Variants in CPXM2 observed in about 807,000 individuals in gnomAD.
CPXM2 encodes inactive carboxypeptidase-like protein X2.
Under a neutral mutation model 86.1 loss-of-function variants are expected in CPXM2, and 66 were observed. The observed-to-expected ratio is 0.77, with a 90% confidence interval of 0.63 to 0.94. CPXM2 has a LOEUF of 0.94. CPXM2 is among the 40% of genes least tolerant of loss of function. The pLI is 0.00. For missense variants in CPXM2, 948 were observed against 1,026.3 expected, an observed-to-expected ratio of 0.92 and a Z score of 1.04; for synonymous variants, 388 against 400.2, an observed-to-expected ratio of 0.97 and a Z score of 0.36.
intron 2 of CPXM2, among the ~76,000 whole-genome samples, chr10:123,907,319 T>C (rs1378152734): frequency 1.3e-5 from 2 of 152,390 alleles, no homozygotes; most frequent in East Asian, 3.8e-4. Context: ...CTTTCTGTAA[T>C]TAGAAGAGAG....
intron 2 of CPXM2, among the ~76,000 whole-genome samples, chr10:123,872,967 T>C (rs896959269): frequency 6.7e-6 from 1 of 149,182 alleles, no homozygotes; most frequent in Non-Finnish European, 1.5e-5. Flanking sequence ...AGCAGAAAAA[T>C]ATTTTAAATA....
intron 11 of CPXM2, among the ~76,000 whole-genome samples, chr10:123,759,169 T>C (rs1278640581): frequency 6.6e-6 from 1 of 152,134 alleles, no homozygotes; most frequent in Non-Finnish European, 1.5e-5. Flanking sequence ...CCCGGTCTCA[T>C]TGAAGGAGAT....
chr10:123,889,767 T>G (rs780322909), intron 1 of CPXM2, among the ~76,000 whole-genome samples: 78 of 152,160 alleles, frequency 5.1e-4, no homozygotes, highest in Non-Finnish European at 1.0e-3. Flanking sequence ...GCCCTAAACA[T>G]GGGTGTTAGG....
intron 1 of CPXM2, among the ~76,000 whole-genome samples, chr10:123,889,898 C>T (rs992594598): frequency 1.3e-5 from 2 of 151,942 alleles, no homozygotes; most frequent in East Asian, 1.9e-4. Context: ...ATGCCCAGGA[C>T]GGAGCTAAGC....
intron 4 of CPXM2, among the ~76,000 whole-genome samples, chr10:123,823,523 G>C (rs575849855): frequency 6.6e-6 from 1 of 152,090 alleles, no homozygotes; most frequent in Non-Finnish European, 1.5e-5. Flanking sequence ...TTTAACTAGA[G>C]TACACTATTT....
In CPXM2 at chr10:123,745,929, ACTTCTGG is replaced by A. The variant is rs895284459; in HGVS notation, c.*828_*834del. ...CAGAGAGAGGGCTTCAGGCCACCCC[ACTTCTGG>A]CTCTTTCCAGTCCTAGCAGGTAAAA... On this transcript the variant is annotated 3_prime_UTR_variant, in exon 14 of 14. Coordinates refer to ENST00000241305, the MANE Select transcript of CPXM2 (RefSeq NM_198148.3). 9 of 151,888 alleles carry A rather than the reference ACTTCTGG, an allele frequency of 5.9e-5. No homozygotes were observed. Among genetic ancestry groups the A allele is most frequent in the Non-Finnish European group, 1.2e-4 (8 of 68,022 alleles). The allele number at this position is 151,888 out of a possible 1,614,324, so 9.4% of individuals were successfully genotyped here. A position where few individuals can be genotyped will look rare whatever the true frequency, so the allele number is the denominator to read the frequency against.
At chr10:123,782,800 T>C (rs1176734970) in intron 6 of CPXM2, among the ~76,000 whole-genome samples, 1 of 152,188 alleles carries the variant, frequency 6.6e-6, no homozygotes, top group East Asian at 1.9e-4. Flanking sequence ...GGCTGAGACC[T>C]GCTGGGCTGC....
chr10:123,819,479 T>G (rs1847882087), intron 4 of CPXM2, among the ~76,000 whole-genome samples: 3 of 152,248 alleles, frequency 2.0e-5, no homozygotes, highest in Admixed American at 2.0e-4. Flanking sequence ...GAAACAAGAT[T>G]GTAATTATCA....
intron 2 of CPXM2, among the ~76,000 whole-genome samples, chr10:123,898,534 A>T (rs1019435016): frequency 6.6e-6 from 1 of 152,160 alleles, no homozygotes; most frequent in African/African-American, 2.4e-5. Context: ...GCTACTTGGG[A>T]GGCTGAGACA....
In CPXM2 at chr10:123,865,231, G is replaced by A. The variant is rs1453958917; in HGVS notation, c.404-2508C>T. 6.6e-6 allele frequency among the ~76,000 whole-genome samples: 1 copy of A among 152,174 alleles called. No individual in the cohort carries two copies. The highest frequency in any genetic ancestry group is 1.5e-5 in the Non-Finnish European group (1 of 68,034). ...CTGGGATTTTTTGTCCTTATTAGAA[G>A]ATGCTATTTTTAGAGCCATTAATTT... On this transcript the variant is annotated intron_variant, in intron 2 of 13. Coordinates refer to ENST00000241305, the MANE Select transcript of CPXM2 (RefSeq NM_198148.3). This position sits in a 1 kb window ranked among gnomAD's most constrained non-coding sequence, Gnocchi z 4.7.
intron 2 of CPXM2, among the ~76,000 whole-genome samples, chr10:123,931,200 A>G (rs1011442373): frequency 5.3e-5 from 8 of 152,206 alleles, no homozygotes; most frequent in Non-Finnish European, 1.2e-4. Flanking sequence ...AATTAACAAA[A>G]GAGGAAGGGA....
intron 13 of CPXM2, chr10:123,750,726 G>A (rs992251449): frequency 3.7e-5 from 36 of 985,248 alleles, no homozygotes; most frequent in Admixed American, 2.5e-4. Context: ...TGAATACAAC[G>A]ATCAGGACTG....
intron 7 of CPXM2, among the ~76,000 whole-genome samples, chr10:123,779,680 G>C (rs919654293): frequency 6.6e-6 from 1 of 152,140 alleles, no homozygotes; most frequent in African/African-American, 2.4e-5. Flanking sequence ...ATAAGGGGTA[G>C]TGCTATAGTC....
At chr10:123,789,768 C>T (rs532383762) in intron 6 of CPXM2, among the ~76,000 whole-genome samples, 1 of 152,124 alleles carries the variant, frequency 6.6e-6, no homozygotes, top group Non-Finnish European at 1.5e-5. Context: ...GCGTCGTTCC[C>T]CTATTGGCTA....
intron 2 of CPXM2, among the ~76,000 whole-genome samples, chr10:123,899,243 A>T (rs1945362641): frequency 6.6e-6 from 1 of 152,250 alleles, no homozygotes; most frequent in African/African-American, 2.4e-5. Context: ...CTTATTTTTT[A>T]AAATACATAA....
chr10:123,832,376 T>C (rs2134134437), intron 4 of CPXM2, among the ~76,000 whole-genome samples: 1 of 152,106 alleles, frequency 6.6e-6, no homozygotes, highest in East Asian at 1.9e-4. Context: ...GGAGAAAGCC[T>C]TGAGCAATAG....
At chr10:123,860,310 T>G (rs1048261036) in intron 3 of CPXM2, among the ~76,000 whole-genome samples, 8 of 152,206 alleles carry the variant, frequency 5.3e-5, no homozygotes, top group African/African-American at 1.9e-4. Context: ...CTCATCTTTC[T>G]GATGAGGCAA....
chr10:123,828,000 C>T (rs1848082971), intron 4 of CPXM2, among the ~76,000 whole-genome samples: 1 of 151,844 alleles, frequency 6.6e-6, no homozygotes, highest in Admixed American at 6.6e-5. Context: ...CCTGTCTCTA[C>T]AAAAAATTTT....
At chr10:123,897,089 G>A (rs1945344303) in intron 2 of CPXM2, among the ~76,000 whole-genome samples, 2 of 139,564 alleles carry the variant, frequency 1.4e-5, no homozygotes, top group South Asian at 4.9e-4. Flanking sequence ...TTTGGCCCAG[G>A]GGTCCTAGTG....
Sources: gnomAD v4.1 joint callset for allele counts (sites outside exome capture counted in the v4.1 genomes callset) on GRCh38, gnomAD v4.1.1 for gene constraint, Gnocchi (gnomAD v3.1) non-coding constraint, MANE v1.5 for transcripts, NCBI Gene and HGNC (gene_info 2026-07-23, HGNC 2026-07-21) for gene names.